Variants in FSTL5 observed in about 807,000 individuals in gnomAD.
The protein encoded by FSTL5 is follistatin like 5.
FSTL5 carries 62 observed loss-of-function variants against 89.1 expected under a neutral mutation model. The ratio of observed to expected loss-of-function variants is 0.70; its 90% CI spans 0.57 to 0.86. The LOEUF (loss-of-function observed/expected upper bound fraction) is 0.86, where lower values mean the gene tolerates loss of function less well. FSTL5 is among the 40% of genes least tolerant of loss of function. The probability of loss-of-function intolerance (pLI) is 0.00; values close to 1 mark genes in which losing one functional copy is unlikely to be tolerated. For synonymous variants in FSTL5, 383 were observed against 346.2 expected, an observed-to-expected ratio of 1.11 and a Z score of -1.18; for missense variants, 1,057 against 1,001.6, an observed-to-expected ratio of 1.06 and a Z score of -0.75.
intron 6 of FSTL5, among the ~76,000 whole-genome samples, chr4:161,722,675 A>T (rs549821284): frequency 1.4e-4 from 21 of 152,278 alleles, no homozygotes; most frequent in African/African-American, 5.1e-4. Context: ...AATCTAAACA[A>T]TTTCCATTTG....
At chr4:161,966,463 C>T (rs1453201471) in intron 3 of FSTL5, among the ~76,000 whole-genome samples, 1 of 151,982 alleles carries the variant, frequency 6.6e-6, no homozygotes, top group East Asian at 1.9e-4. Context: ...GTATACAAAA[C>T]CCCAGGATTG....
intron 2 of FSTL5, among the ~76,000 whole-genome samples, chr4:162,102,592 A>G (rs1731038478): frequency 6.8e-6 from 1 of 146,306 alleles, no homozygotes; most frequent in East Asian, 1.9e-4. Context: ...TAAAATAGAT[A>G]TATATTTAAT....
At chr4:161,809,619 G>T (rs373925216) in intron 4 of FSTL5, among the ~76,000 whole-genome samples, 1 of 152,200 alleles carries the variant, frequency 6.6e-6, no homozygotes, top group Non-Finnish European at 1.5e-5. Flanking sequence ...ACAAAATGTG[G>T]TATATGCATA....
intron 3 of FSTL5, among the ~76,000 whole-genome samples, chr4:161,986,673 T>C (rs769981183): frequency 2.6e-5 from 4 of 152,240 alleles, no homozygotes; most frequent in Non-Finnish European, 5.9e-5. Context: ...TAGAATAGGA[T>C]AACTGAATGG....
At chr4:161,917,247 C>T (rs1043875675) in intron 4 of FSTL5, among the ~76,000 whole-genome samples, 6 of 152,118 alleles carry the variant, frequency 3.9e-5, no homozygotes, top group African/African-American at 1.4e-4. Context: ...TGAGCCACCG[C>T]GCCCAACCTT....
chr4:161,908,935 T>C (rs1361040316), intron 4 of FSTL5, among the ~76,000 whole-genome samples: 1 of 152,122 alleles, frequency 6.6e-6, no homozygotes, highest in Non-Finnish European at 1.5e-5. Context: ...AAAAAAATTT[T>C]GTATAAATTG....
At chr4:161,660,218 A>G (rs1234082638) in intron 6 of FSTL5, among the ~76,000 whole-genome samples, 3 of 152,196 alleles carry the variant, frequency 2.0e-5, no homozygotes, top group African/African-American at 7.2e-5. Context: ...GTCAAGAGGC[A>G]AGTAAAATAC....
intron 2 of FSTL5, among the ~76,000 whole-genome samples, chr4:162,072,955 T>C (rs184342250): frequency 2.0e-5 from 3 of 151,834 alleles, no homozygotes; most frequent in Non-Finnish European, 2.9e-5. Context: ...AACTAGGAAA[T>C]TGACTATTGC....
intron 3 of FSTL5, among the ~76,000 whole-genome samples, chr4:161,940,512 AG>A (rs1734550950): frequency 6.6e-6 from 1 of 151,800 alleles, no homozygotes. Context: ...TCCTGAAAAC[AG>A]AGAGAAACAA....
chr4:161,713,050 T>C (rs1335004944), intron 6 of FSTL5, among the ~76,000 whole-genome samples: 2 of 152,128 alleles, frequency 1.3e-5, no homozygotes, highest in Non-Finnish European at 2.9e-5. Flanking sequence ...ACAAACAGAC[T>C]AACACAGTTG....
intron 1 of FSTL5, among the ~76,000 whole-genome samples, chr4:162,139,246 A>C (rs1264418854): frequency 6.6e-6 from 1 of 152,048 alleles, no homozygotes; most frequent in African/African-American, 2.4e-5. Context: ...AACTCCTGGA[A>C]ACCATTTTGG....
At chr4:162,077,045 A>AT (rs911624159) in intron 2 of FSTL5, among the ~76,000 whole-genome samples, 3 of 151,926 alleles carry the variant, frequency 2.0e-5, no homozygotes, top group Admixed American at 6.6e-5. Context: ...CTTTTAATGC[A>AT]TTTTTTGTTG....
chr4:162,015,683 A>T (rs961474235), intron 3 of FSTL5, among the ~76,000 whole-genome samples: 1 of 152,158 alleles, frequency 6.6e-6, no homozygotes, highest in African/African-American at 2.4e-5. Context: ...AAAACAAATA[A>T]CTAACTAGTC....
intron 4 of FSTL5, among the ~76,000 whole-genome samples, chr4:161,853,690 A>G (rs1731632441): frequency 1.3e-5 from 2 of 152,334 alleles, no homozygotes; most frequent in East Asian, 3.9e-4. Context: ...TATTATTGGC[A>G]TAACCAAGAG....
intron 13 of FSTL5, among the ~76,000 whole-genome samples, chr4:161,461,280 T>TAA (rs1733564357): frequency 1.5e-5 from 1 of 66,766 alleles, no homozygotes; most frequent in African/African-American, 6.6e-5. Flanking sequence ...CCGTCTCTAC[T>TAA]AAAAATACAA....
chr4:161,523,152 CA>C (rs1401995471), intron 10 of FSTL5, among the ~76,000 whole-genome samples: 1 of 152,002 alleles, frequency 6.6e-6, no homozygotes, highest in African/African-American at 2.4e-5. Context: ...CAAAATAAAG[CA>C]AGCATGTGTT....
chr4:161,508,918 G>A (rs1419050017), intron 11 of FSTL5, among the ~76,000 whole-genome samples: 5 of 152,108 alleles, frequency 3.3e-5, no homozygotes, highest in Non-Finnish European at 7.4e-5. Context: ...ACTTGGTTCA[G>A]ACTTGTTAAG....
chr4:161,669,447 A>G (rs969319467), intron 6 of FSTL5, among the ~76,000 whole-genome samples: 1 of 152,160 alleles, frequency 6.6e-6, no homozygotes, highest in African/African-American at 2.4e-5. Context: ...TAATAGACAA[A>G]TAGATCAATG....
At chr4:161,955,350 C>T (rs982749048) in intron 3 of FSTL5, among the ~76,000 whole-genome samples, 3 of 149,978 alleles carry the variant, frequency 2.0e-5, no homozygotes, top group Admixed American at 6.7e-5. Context: ...CTTAAGGTAA[C>T]AAAAAAGCAA....
Sources: gnomAD v4.1 joint callset for allele counts (sites outside exome capture counted in the v4.1 genomes callset) on GRCh38, gnomAD v4.1.1 for gene constraint, MANE v1.5 for transcripts, NCBI Gene and HGNC (gene_info 2026-07-23, HGNC 2026-07-21) for gene names.